Variants in ARMC3 observed in about 807,000 individuals in gnomAD.
The protein encoded by ARMC3 is armadillo repeat-containing protein 3.
A neutral mutation model predicts 90.3 loss-of-function variants in ARMC3; 74 were observed. The ratio of observed to expected loss-of-function variants is 0.82; its 90% CI spans 0.68 to 0.99. ARMC3 has a LOEUF of 0.99. Ranked by LOEUF, ARMC3 falls within the 50% of genes least tolerant of loss-of-function variation. The pLI is 0.00. For missense variants in ARMC3, 958 were observed against 1,042.8 expected (o/e 0.92, Z 1.12); for synonymous variants, 334 against 361.8 (o/e 0.92, Z 0.87).
Position 23,037,527 on chromosome 10 carries a change from A to G in ARMC3, c.*48A>G. 1 of 1,495,776 alleles carries G rather than the reference A, an allele frequency of 6.7e-7. No individual in the cohort carries two copies. The highest frequency in any genetic ancestry group is 2.3e-5 in the East Asian group (1 of 43,994). The allele number at this position is 1,495,776 out of a possible 1,614,324, so 92.7% of individuals were successfully genotyped here. A position where few individuals can be genotyped will look rare whatever the true frequency, so the allele number is the denominator to read the frequency against. On this transcript the variant is annotated 3_prime_UTR_variant, in exon 19 of 19. Coordinates refer to ENST00000298032, the MANE Select transcript of ARMC3 (RefSeq NM_173081.5). ...GGCTCAAACAAGAAATTCACTGTGT[A>G]CACTCTCTAAGACATTCTCCAAATT... is the stretch of plus-strand genomic sequence containing the variant.
intron 8 of ARMC3, among the ~76,000 whole-genome samples, chr10:22,972,061 C>T (rs1482199890): frequency 6.6e-6 from 1 of 152,156 alleles, no homozygotes; most frequent in African/African-American, 2.4e-5. Context: ...TGCTAAGTTA[C>T]AGAAGTTCTT....
At position 22,959,541 on chromosome 10, in the gene ARMC3, G is replaced by C. The variant is rs1243972558; in HGVS notation, c.504G>C (p.Lys168Asn). Residue 168 changes from lysine (K) to asparagine (N), a missense_variant, in exon 6 of 19, where the codon AAG becomes AAC. Transcript: ENST00000298032. ...GTAGCCCTGACCCGGATGTAAAGAA[G>C]AACTCTATGGAATGCATTTACAACT... ...LLSSPDPDVK[K>N]NSMECIYNLV... is the part of the protein sequence containing the mutation. 6.2e-7 allele frequency: 1 copy of C among 1,607,874 alleles called. No individual in the cohort carries two copies. Among genetic ancestry groups the C allele is most frequent in the African/African-American group, 1.3e-5 (1 of 74,658 alleles).
chr10:23,024,151 T>G (rs1267883086), intron 16 of ARMC3, among the ~76,000 whole-genome samples: 2 of 152,140 alleles, frequency 1.3e-5, no homozygotes, highest in African/African-American at 4.8e-5. Context: ...TTTGAAACTA[T>G]AGAAGCCAGG....
intron 16 of ARMC3, among the ~76,000 whole-genome samples, chr10:23,016,783 A>G (rs1406704478): frequency 6.6e-6 from 1 of 152,190 alleles, no homozygotes; most frequent in Non-Finnish European, 1.5e-5. Context: ...CTGGAGGTGT[A>G]TCAGATATTT....
chr10:22,970,676 G>A (rs1044656919), intron 8 of ARMC3, among the ~76,000 whole-genome samples: 5 of 152,192 alleles, frequency 3.3e-5, no homozygotes, highest in African/African-American at 7.2e-5. Flanking sequence ...CTGGCTCAAG[G>A]CACTTTGCAA....
At chr10:23,022,005 T>C (rs1379189885) in intron 16 of ARMC3, among the ~76,000 whole-genome samples, 1 of 152,228 alleles carries the variant, frequency 6.6e-6, no homozygotes, top group African/African-American at 2.4e-5. Context: ...CTTTTATAGA[T>C]TGTGCTTTTG....
At chr10:22,976,474 C>A (rs1053383209) in intron 8 of ARMC3, among the ~76,000 whole-genome samples, 4 of 152,202 alleles carry the variant, frequency 2.6e-5, no homozygotes, top group African/African-American at 9.6e-5. Flanking sequence ...GCCCTCTCCT[C>A]CTGTAAACTC....
chr10:23,005,924 G>T (rs1040258615), intron 13 of ARMC3, among the ~76,000 whole-genome samples: 1 of 152,076 alleles, frequency 6.6e-6, no homozygotes, highest in Non-Finnish European at 1.5e-5. Context: ...GAGCTGGGCA[G>T]AGGGAGGGTG....
intron 7 of ARMC3, among the ~76,000 whole-genome samples, chr10:22,968,011 T>C (rs866743620): frequency 3.5e-4 from 53 of 152,358 alleles, no homozygotes; most frequent in Middle Eastern, 3.4e-3. Flanking sequence ...TCAAAATTGT[T>C]TTTTGCAGAA....
At chr10:22,950,529 T>G (rs1031549419) in intron 3 of ARMC3, among the ~76,000 whole-genome samples, 5 of 151,860 alleles carry the variant, frequency 3.3e-5, no homozygotes, top group African/African-American at 1.2e-4. Flanking sequence ...ATCAGTAATA[T>G]TCACAGAATA....
At chr10:22,937,368 A>G (rs921484912) in intron 2 of ARMC3, among the ~76,000 whole-genome samples, 7 of 152,196 alleles carry the variant, frequency 4.6e-5, no homozygotes, top group African/African-American at 1.7e-4. Context: ...TAACCATAGT[A>G]TCCTTATTCA....
chr10:22,929,552 T>G (rs2131102910), intron 1 of ARMC3, among the ~76,000 whole-genome samples: 1 of 152,182 alleles, frequency 6.6e-6, no homozygotes, highest in East Asian at 1.9e-4. Context: ...ACACATAGGC[T>G]TTTTTTGGGG....
chr10:23,030,819 T>G, intron 17 of ARMC3, 23 bp downstream of exon 17: 1 of 1,600,252 alleles, frequency 6.2e-7, no homozygotes, highest in Non-Finnish European at 8.5e-7. Context: ...TGTATATATG[T>G]GTTTTTAATT....
At chr10:22,975,688 T>A (rs977473039) in intron 8 of ARMC3, among the ~76,000 whole-genome samples, 1 of 152,202 alleles carries the variant, frequency 6.6e-6, no homozygotes, top group Non-Finnish European at 1.5e-5. Flanking sequence ...ATCCTGAGTT[T>A]GAAAATTTTG....
intron 8 of ARMC3, among the ~76,000 whole-genome samples, chr10:22,973,118 A>AC (rs1335579233): frequency 6.6e-5 from 10 of 151,200 alleles, no homozygotes; most frequent in African/African-American, 1.5e-4. Flanking sequence ...ACAGAGCAAG[A>AC]CCCCCCATCT....
Position 22,961,779 on chromosome 10 carries a change from T to C in ARMC3, c.538-105T>C, listed in dbSNP as rs943512276. 9 of 962,098 alleles carry C rather than the reference T, an allele frequency of 9.4e-6. No homozygotes were observed. The African/African-American group carries it at 1.0e-4, about 11-fold the overall frequency. The allele number at this position is 962,098 out of a possible 1,614,324, so 59.6% of individuals were successfully genotyped here. A position where few individuals can be genotyped will look rare whatever the true frequency, so the allele number is the denominator to read the frequency against. Reference sequence around the variant, plus strand: ...TTGGAAGGGAATCTGGAATAAAAGATGGGCAAATTATAACTTATGTTCTTG... The same window carrying C: ...TTGGAAGGGAATCTGGAATAAAAGACGGGCAAATTATAACTTATGTTCTTG... On this transcript the variant is annotated intron_variant, in intron 6 of 18. Transcript: ENST00000298032.
chr10:22,932,002 T>C lies in ARMC3; in HGVS notation c.6T>C (p.Gly2=), dbSNP rs1833950541. The C allele has an allele frequency of 1.2e-6, 2 of 1,605,280 alleles. No homozygotes were observed. Among genetic ancestry groups the C allele is most frequent in the African/African-American group, 1.3e-5 (1 of 74,244 alleles). The change falls in exon 2 of 19, where the codon GGT becomes GGC. Residue 2 remains glycine (G), a synonymous_variant. Transcript: ENST00000298032. M[G]KKIKKEVEPP... ...ATATTGCATCTTTTTCCAGGATGGG[T>C]AAAAAGATAAAGAAGGAAGTAGAGC...
chr10:23,018,064 A>G (rs1424809861), intron 16 of ARMC3, among the ~76,000 whole-genome samples: 1 of 152,248 alleles, frequency 6.6e-6, no homozygotes, highest in Non-Finnish European at 1.5e-5. Context: ...AAACAGAAGC[A>G]TTTATTTGCA....
intron 10 of ARMC3, among the ~76,000 whole-genome samples, chr10:22,987,312 G>T (rs1588883011): frequency 6.6e-6 from 1 of 152,264 alleles, no homozygotes; most frequent in East Asian, 1.9e-4. Flanking sequence ...CACATTAAAA[G>T]AATGTTTTAA....
Sources: allele counts gnomAD v4.1 joint callset (sites outside exome capture counted in the v4.1 genomes callset), GRCh38; gene constraint gnomAD v4.1.1; transcripts MANE v1.5; gene names NCBI Gene and HGNC (gene_info 2026-07-23, HGNC 2026-07-21).